The following SLC39A9 variants were observed in gnomAD, a reference collection of about 807,000 sequenced individuals.
SLC39A9 encodes solute carrier family 39 member 9, also known as zinc transporter ZIP9.
Under a neutral mutation model 28.4 loss-of-function variants are expected in SLC39A9, and 14 were observed. The observed-to-expected ratio is 0.49, with a 90% CI of 0.33 to 0.77. The LOEUF is 0.77. Among genes scored for constraint, SLC39A9 ranks in the 30% least tolerant of loss-of-function variants. SLC39A9 has a pLI of 0.02. For missense variants in SLC39A9, 283 were observed against 381.1 expected (o/e 0.74, Z 2.14); for synonymous variants, 119 against 149.6 (o/e 0.80, Z 1.49).
At chr14:69,409,106 C>T (rs904334608) in intron 1 of SLC39A9, among the ~76,000 whole-genome samples, 10 of 151,916 alleles carry the variant, frequency 6.6e-5, no homozygotes, top group South Asian at 2.1e-4. Flanking sequence ...TTTTAAAAGA[C>T]GCTGTGGAAA....
intron 2 of SLC39A9, among the ~76,000 whole-genome samples, chr14:69,426,481 G>A (rs1884197293): frequency 6.6e-6 from 1 of 152,212 alleles, no homozygotes; most frequent in African/African-American, 2.4e-5. Flanking sequence ...GGGTCCTGGA[G>A]CTTCTGACCC....
At chr14:69,412,509 T>C (rs1883331671) in intron 1 of SLC39A9, among the ~76,000 whole-genome samples, 1 of 152,178 alleles carries the variant, frequency 6.6e-6, no homozygotes, top group South Asian at 2.1e-4. Flanking sequence ...TTGATATAGT[T>C]ACAAGGAATA....
rs774090872 is a variant in SLC39A9, at chr14:69,424,248, G to C, written c.205+46G>C. ...ATTTGAGATATGTTATTGACTTGGA[G>C]GGTTAGCAGGATGAAGCTTAGTGGT... On this transcript the variant is annotated intron_variant, in intron 2 of 6. Coordinates refer to ENST00000336643, the MANE Select transcript of SLC39A9 (RefSeq NM_018375.5). 2.8e-6 allele frequency: 4 copies of C among 1,415,912 alleles called. No homozygotes were observed. The African/African-American group carries it at 5.6e-5, about 20-fold the overall frequency. 87.7% of individuals were successfully genotyped at this position (1,415,912 alleles called of 1,614,324 possible).
In SLC39A9 at chr14:69,433,957, G is replaced by A. The variant is rs535411158; in HGVS notation, c.206-8112G>A. Reference sequence around the variant, plus strand: ...GTGCCACCAGGCCTAGCTAATTTTTGTATTTTTAGTAGAGACGGGGTTTCA... The same window carrying A: ...GTGCCACCAGGCCTAGCTAATTTTTATATTTTTAGTAGAGACGGGGTTTCA... On this transcript the variant is annotated intron_variant, in intron 2 of 6. Coordinates refer to ENST00000336643, the MANE Select transcript of SLC39A9 (RefSeq NM_018375.5). Among the ~76,000 whole-genome samples, 550 of 152,110 alleles carry A rather than the reference G, an allele frequency of 3.6e-3. 3 individuals are homozygous for A. The highest frequency in any genetic ancestry group is 0.012 in the African/African-American group (495 of 41,520).
At chr14:69,444,033 T>A (rs1885173861) in intron 3 of SLC39A9, among the ~76,000 whole-genome samples, 1 of 149,364 alleles carries the variant, frequency 6.7e-6, no homozygotes, top group Non-Finnish European at 1.5e-5. Context: ...GAAAAAAAAA[T>A]AAATTACCCA....
intron 1 of SLC39A9, among the ~76,000 whole-genome samples, chr14:69,418,924 A>C (rs536750664): frequency 6.6e-6 from 1 of 152,082 alleles, no homozygotes; most frequent in Non-Finnish European, 1.5e-5. Flanking sequence ...CTAGCGGTCT[A>C]TCAATTTTGT....
chr14:69,460,662 T>G lies in SLC39A9; in HGVS notation c.*2069T>G, dbSNP rs935647267. The stretch of plus-strand genomic sequence containing the variant: ...TGCCTTGCCATCATGCTTAAAAGTT[T>G]GGCTAGTATATCTTGCTGGATGGAG... On this transcript the variant is annotated 3_prime_UTR_variant, in exon 7 of 7. Transcript: ENST00000336643. 1 of 985,356 alleles carries G rather than the reference T, an allele frequency of 1.0e-6. No individual in the cohort carries two copies. Among genetic ancestry groups the G allele is most frequent in the African/African-American group, 1.7e-5 (1 of 57,246 alleles). The allele number at this position is 985,356 out of a possible 1,614,324, so 61.0% of individuals were successfully genotyped here. A position where few individuals can be genotyped will look rare whatever the true frequency, so the allele number is the denominator to read the frequency against.
chr14:69,417,636 T>C (rs1323613290), intron 1 of SLC39A9, among the ~76,000 whole-genome samples: 2 of 152,216 alleles, frequency 1.3e-5, no homozygotes, highest in African/African-American at 4.8e-5. Flanking sequence ...GTTTGTGTTC[T>C]CTTTTATTTC....
At position 69,461,609 on chromosome 14, in the gene SLC39A9, T is replaced by G. The variant is rs912188032; in HGVS notation, c.*3016T>G. The G allele has an allele frequency of 7.2e-6, 11 of 1,527,868 alleles. No individual in the cohort carries two copies. The African/African-American group carries it at 1.5e-4, about 21-fold the overall frequency. 94.6% of individuals were successfully genotyped at this position (1,527,868 alleles called of 1,614,324 possible). ...GGGAGTGGCTGTTTTGAGTTGTCCT[T>G]TCTTTGCAGAAAGGAGAAAATGTGA... is the stretch of plus-strand genomic sequence containing the variant. On this transcript the variant is annotated 3_prime_UTR_variant, in exon 7 of 7. Coordinates refer to ENST00000336643, the MANE Select transcript of SLC39A9 (RefSeq NM_018375.5).
rs1886064273 is a variant in SLC39A9, at chr14:69,460,455, TGA to T, written c.*1865_*1866del. 1.0e-6 allele frequency: 1 copy of T among 985,308 alleles called. No homozygotes were observed. The highest frequency in any genetic ancestry group is 4.7e-5 in the South Asian group (1 of 21,294). 61.0% of individuals were successfully genotyped at this position (985,308 alleles called of 1,614,324 possible). Reference sequence around the variant, plus strand: ...ATTGGATGTTAACAGCTGACTGGTGTGAGACTTGAGGTTTCATCTAGTCCTTC... The same window carrying T: ...ATTGGATGTTAACAGCTGACTGGTGTGACTTGAGGTTTCATCTAGTCCTTC... On this transcript the variant is annotated 3_prime_UTR_variant, in exon 7 of 7. Coordinates refer to ENST00000336643, the MANE Select transcript of SLC39A9 (RefSeq NM_018375.5).
At position 69,459,921 on chromosome 14, in the gene SLC39A9, G is replaced by A. The variant is rs184935434; in HGVS notation, c.*1328G>A. ...CCCCCTTCAAAGAAATTACCTTTGT[G>A]TCAAATGCCGCTTTGTTGAGCCCTT... On this transcript the variant is annotated 3_prime_UTR_variant, in exon 7 of 7. Transcript: ENST00000336643. 4.5e-4 allele frequency: 443 copies of A among 985,550 alleles called. 1 individual carries two copies. The African/African-American group carries it at 7.3e-3, about 16-fold the overall frequency. The allele number at this position is 985,550 out of a possible 1,614,324, so 61.1% of individuals were successfully genotyped here.
At chr14:69,457,444 G>A (rs965946026) in intron 6 of SLC39A9, among the ~76,000 whole-genome samples, 9 of 151,648 alleles carry the variant, frequency 5.9e-5, no homozygotes, top group Admixed American at 1.3e-4. Flanking sequence ...CTCGTGATCC[G>A]CCCACCTTGG....
At position 69,459,417 on chromosome 14, in the gene SLC39A9, C is replaced by T; in HGVS notation, c.*824C>T. 1 of 985,338 alleles carries T rather than the reference C, an allele frequency of 1.0e-6. No individual in the cohort carries two copies. Among genetic ancestry groups the T allele is most frequent in the South Asian group, 4.7e-5 (1 of 21,280 alleles). 61.0% of individuals were successfully genotyped at this position (985,338 alleles called of 1,614,324 possible). On this transcript the variant is annotated 3_prime_UTR_variant, in exon 7 of 7. Transcript: ENST00000336643. ...CTAGTAGTTTCAGTTCTAGGCTTTC[C>T]TTCAAGAACAGTCAGATCACAAAGT...
At chr14:69,425,854 A>G (rs1296937012) in intron 2 of SLC39A9, among the ~76,000 whole-genome samples, 2 of 152,062 alleles carry the variant, frequency 1.3e-5, no homozygotes, top group Middle Eastern at 6.8e-3. Flanking sequence ...TTGTAGAGAT[A>G]GAGTCTCCTT....
intron 2 of SLC39A9, among the ~76,000 whole-genome samples, chr14:69,438,187 A>C (rs1006460220): frequency 1.3e-5 from 2 of 151,604 alleles, no homozygotes; most frequent in Non-Finnish European, 2.9e-5. Flanking sequence ...AGGCATAGCT[A>C]ATTTTTGTAT....
chr14:69,460,778 C>T lies in SLC39A9; in HGVS notation c.*2185C>T, dbSNP rs1594959097. The stretch of plus-strand genomic sequence containing the variant: ...ATTAACAAGCAAACCTTTCAGGGCC[C>T]TCTTAGCTCTCAGAAGCTATGTATG... On this transcript the variant is annotated 3_prime_UTR_variant, in exon 7 of 7. Coordinates refer to ENST00000336643, the MANE Select transcript of SLC39A9 (RefSeq NM_018375.5). 1.0e-6 allele frequency: 1 copy of T among 985,468 alleles called. No individual in the cohort carries two copies. Among genetic ancestry groups the T allele is most frequent in the Non-Finnish European group, 1.2e-6 (1 of 829,950 alleles). 61.0% of individuals were successfully genotyped at this position (985,468 alleles called of 1,614,324 possible).
rs566515158 is a variant in SLC39A9, at chr14:69,399,406, G to A, written c.37G>A (p.Ala13Thr). The change falls in exon 1 of 7, where the codon GCT becomes ACT. Residue 13 changes from alanine to threonine, a missense_variant. By Grantham distance (58) the Ala-to-Thr change is moderately conservative. Coordinates refer to ENST00000336643, the MANE Select transcript of SLC39A9 (RefSeq NM_018375.5). Reference protein sequence around the residue: ...DFISISLLSLAMLVGCYVAGI... With the variant: ...DFISISLLSLTMLVGCYVAGI... Reference sequence around the variant, plus strand: ...CATCTCCATTAGCCTGCTGTCTCTGGCTATGTTGGTGGGATGTTACGTGGC... The same window carrying A: ...CATCTCCATTAGCCTGCTGTCTCTGACTATGTTGGTGGGATGTTACGTGGC... The A allele has an allele frequency of 6.2e-7, 1 of 1,614,116 alleles. No homozygotes were observed. Among genetic ancestry groups the A allele is most frequent in the South Asian group, 1.1e-5 (1 of 91,062 alleles).
chr14:69,448,038 C>T (rs914578857), intron 3 of SLC39A9, among the ~76,000 whole-genome samples: 5 of 151,452 alleles, frequency 3.3e-5, no homozygotes, highest in Middle Eastern at 3.2e-3. Context: ...CACGGTGAAA[C>T]CTCGTCTCTA....
chr14:69,460,544 G>A lies in SLC39A9; in HGVS notation c.*1951G>A, dbSNP rs1041478953. The A allele has an allele frequency of 1.4e-5, 14 of 985,288 alleles. No individual in the cohort carries two copies. In the African/African-American group the frequency reaches 2.4e-4, roughly 17 times the overall value. 61.0% of individuals were successfully genotyped at this position (985,288 alleles called of 1,614,324 possible). On this transcript the variant is annotated 3_prime_UTR_variant, in exon 7 of 7. Transcript: ENST00000336643. ...GACTTTGTCAAATAAATAGCAGATTGTAGTGTCTGGTTTGGTTTGGACAGT... is the reference window on the plus strand; with the variant it reads ...GACTTTGTCAAATAAATAGCAGATTATAGTGTCTGGTTTGGTTTGGACAGT...
Sources: allele counts gnomAD v4.1 joint callset (sites outside exome capture counted in the v4.1 genomes callset), GRCh38; gene constraint gnomAD v4.1.1; transcripts MANE v1.5; gene names NCBI Gene and HGNC (gene_info 2026-07-23, HGNC 2026-07-21).